ALOX5AP: variants seen among roughly 807,000 people sequenced by gnomAD.
The protein encoded by ALOX5AP is arachidonate 5-lipoxygenase activating protein.
A neutral mutation model predicts 18.5 loss-of-function variants in ALOX5AP; 9 were observed. The observed-to-expected ratio is 0.49, with a 90% confidence interval of 0.29 to 0.85. ALOX5AP has a LOEUF of 0.85. Among genes scored for constraint, ALOX5AP ranks in the 40% least tolerant of loss-of-function variants. The pLI is 0.08. For missense variants in ALOX5AP, 172 were observed against 202.5 expected, an observed-to-expected ratio of 0.85 and a Z score of 0.91; for synonymous variants, 81 against 78.6, an observed-to-expected ratio of 1.03 and a Z score of -0.16.
intron 1 of ALOX5AP, among the ~76,000 whole-genome samples, chr13:30,721,045 G>A (rs893128840): frequency 5.3e-5 from 8 of 152,250 alleles, no homozygotes; most frequent in African/African-American, 1.7e-4. Flanking sequence ...ACACATGGGG[G>A]AAATGGAGCT....
intron 2 of ALOX5AP, among the ~76,000 whole-genome samples, chr13:30,745,346 C>T (rs934557971): frequency 1.3e-5 from 2 of 152,206 alleles, no homozygotes; most frequent in African/African-American, 2.4e-5. Context: ...CACTCTCGAA[C>T]GCATTAGTAC....
upstream of ALOX5AP, among the ~76,000 whole-genome samples, chr13:30,731,056 C>CGCTGTG (rs901295600): frequency 3.9e-4 from 60 of 152,280 alleles, no homozygotes; most frequent in African/African-American, 1.3e-3. Flanking sequence ...GCAGCCCTGT[C>CGCTGTG]GCTGTGGGAT....
chr13:30,756,923 G>T (rs2137828998), intron 4 of ALOX5AP, among the ~76,000 whole-genome samples: 1 of 150,764 alleles, frequency 6.6e-6, no homozygotes, highest in Non-Finnish European at 1.5e-5. Context: ...CCCCAAAGCA[G>T]CACAGTACCT....
At chr13:30,718,991 A>G (rs1373361333) in intron 1 of ALOX5AP, among the ~76,000 whole-genome samples, 1 of 152,208 alleles carries the variant, frequency 6.6e-6, no homozygotes, top group Non-Finnish European at 1.5e-5. Context: ...GTGTTCTGCC[A>G]TCAAGTTGCT....
At chr13:30,758,893 C>A (rs1287334892) in intron 4 of ALOX5AP, among the ~76,000 whole-genome samples, 1 of 152,116 alleles carries the variant, frequency 6.6e-6, no homozygotes, top group Non-Finnish European at 1.5e-5. Context: ...TGGCTCACTG[C>A]AACCTCCACC....
chr13:30,764,257 G>A lies in ALOX5AP; in HGVS notation c.*151G>A, dbSNP rs139802879. 13 of 847,752 alleles carry A rather than the reference G, an allele frequency of 1.5e-5. No homozygotes were observed. The highest frequency in any genetic ancestry group is 6.2e-5 in the South Asian group (3 of 48,266). 52.5% of individuals were successfully genotyped at this position (847,752 alleles called of 1,614,324 possible). On this transcript the variant is annotated 3_prime_UTR_variant, in exon 5 of 5. Coordinates refer to ENST00000380490, the MANE Select transcript of ALOX5AP (RefSeq NM_001629.4). ...CAGCTTGAGTTAACCTTGCTTTTCC[G>A]GGAACAAAATGATGTCATGTCAGCT...
At chr13:30,721,383 T>C (rs1951592107) in intron 1 of ALOX5AP, among the ~76,000 whole-genome samples, 1 of 152,056 alleles carries the variant, frequency 6.6e-6, no homozygotes, top group East Asian at 1.9e-4. Context: ...AGCTAAAGGG[T>C]CTTGAGAGGG....
intron 1 of ALOX5AP, among the ~76,000 whole-genome samples, chr13:30,721,806 TTCAA>T (rs1414554962): frequency 1.3e-5 from 2 of 152,218 alleles, no homozygotes; most frequent in African/African-American, 4.8e-5. Flanking sequence ...ACATCATCTT[TTCAA>T]TCAGATTTCC....
intron 4 of ALOX5AP, among the ~76,000 whole-genome samples, chr13:30,756,536 C>T (rs1951895770): frequency 1.3e-5 from 2 of 152,170 alleles, no homozygotes; most frequent in African/African-American, 4.8e-5. Flanking sequence ...CAGCAGGGTG[C>T]AGCGGCTCAC....
chr13:30,750,117 G>A (rs1951840287), intron 2 of ALOX5AP, among the ~76,000 whole-genome samples: 2 of 152,184 alleles, frequency 1.3e-5, no homozygotes, highest in Admixed American at 6.5e-5. Flanking sequence ...TGAGGTGGGT[G>A]TGAACATTTG....
intron 1 of ALOX5AP, among the ~76,000 whole-genome samples, chr13:30,725,064 T>A (rs1207514117): frequency 6.6e-6 from 1 of 152,136 alleles, no homozygotes; most frequent in Non-Finnish European, 1.5e-5. Flanking sequence ...TGAAGGACAG[T>A]GCCAAAGGAA....
At chr13:30,719,834 C>T (rs772189100) in intron 1 of ALOX5AP, among the ~76,000 whole-genome samples, 1 of 151,906 alleles carries the variant, frequency 6.6e-6, no homozygotes, top group African/African-American at 2.4e-5. Flanking sequence ...AGTTCAAATG[C>T]TCTGTTCCCT....
chr13:30,730,767 C>G (rs542021368), upstream of ALOX5AP, among the ~76,000 whole-genome samples: 1 of 152,340 alleles, frequency 6.6e-6, no homozygotes, highest in Admixed American at 6.5e-5. Context: ...GTCTGCACAG[C>G]TCCTAGGATT....
At chr13:30,722,227 C>T (rs1021710662) in intron 1 of ALOX5AP, among the ~76,000 whole-genome samples, 1 of 152,186 alleles carries the variant, frequency 6.6e-6, no homozygotes, top group Non-Finnish European at 1.5e-5. Context: ...AGATGGCAGA[C>T]ACTTCAAAGC....
intron 1 of ALOX5AP, among the ~76,000 whole-genome samples, chr13:30,719,188 T>G (rs1055202424): frequency 1.1e-4 from 17 of 152,318 alleles, no homozygotes; most frequent in African/African-American, 4.1e-4. Flanking sequence ...TAATGGAGGT[T>G]GATTTAAAGT....
chr13:30,735,561 G>C lies in ALOX5AP; in HGVS notation c.-45G>C. 6.2e-7 allele frequency: 1 copy of C among 1,612,640 alleles called. No individual in the cohort carries two copies. The highest frequency in any genetic ancestry group is 8.5e-7 in the Non-Finnish European group (1 of 1,179,420). ...CCCCTTCCTGTACAGGGCAGGTTGT[G>C]CAGCTGGAGGCAGAGCAGTCCTCTC... On this transcript the variant is annotated 5_prime_UTR_variant, in exon 1 of 5. Transcript: ENST00000380490.
At chr13:30,736,922 G>A (rs148613628) in intron 1 of ALOX5AP, among the ~76,000 whole-genome samples, 17 of 152,336 alleles carry the variant, frequency 1.1e-4, no homozygotes, top group African/African-American at 3.1e-4. Flanking sequence ...TATTCAACCC[G>A]CATACATGTA....
At chr13:30,734,114 TTATTTATA>T (rs1475428498), upstream of ALOX5AP, among the ~76,000 whole-genome samples, 2 of 152,150 alleles carry the variant, frequency 1.3e-5, no homozygotes, top group African/African-American at 4.8e-5. Context: ...ATGAGGAGAC[TTATTTATA>T]TATTGGTTCA....
chr13:30,754,451 G>C (rs1190424892), intron 3 of ALOX5AP, among the ~76,000 whole-genome samples: 1 of 152,128 alleles, frequency 6.6e-6, no homozygotes, highest in Non-Finnish European at 1.5e-5. Flanking sequence ...ACAGGACCAT[G>C]GTCTAGCTAG....
Sources: gnomAD v4.1 joint callset for allele counts (sites outside exome capture counted in the v4.1 genomes callset) on GRCh38, gnomAD v4.1.1 for gene constraint, MANE v1.5 for transcripts, NCBI Gene and HGNC (gene_info 2026-07-23, HGNC 2026-07-21) for gene names.